Variants in PATJ observed in about 807,000 individuals in gnomAD.
PATJ encodes the protein inaD-like protein.
In PATJ, 190 loss-of-function variants were observed where a neutral mutation model predicts 224.9. That is an observed-to-expected ratio of 0.84 (90% CI 0.75 to 0.95). PATJ has a LOEUF of 0.95. Ranked by LOEUF, PATJ falls within the 40% of genes least tolerant of loss-of-function variation. The pLI, the probability that PATJ is intolerant of heterozygous loss-of-function variation, is 0.00. For missense variants in PATJ, 2,121 were observed against 2,270.3 expected (o/e 0.93, Z 1.34); for synonymous variants, 769 against 820.3 (o/e 0.94, Z 1.07).
At chr1:62,106,158 G>GTGTGTATATATATATATATA (rs1356937495) in intron 33 of PATJ, among the ~76,000 whole-genome samples, 8 of 48,064 alleles carry the variant, frequency 1.7e-4, no homozygotes, top group Non-Finnish European at 2.6e-4. Context: ...GTGTGTGTGT[G>GTGTGTATATATATATATATA]TATATATATA....
intron 34 of PATJ, among the ~76,000 whole-genome samples, chr1:62,113,619 A>G (rs993887326): frequency 6.6e-6 from 1 of 152,214 alleles, no homozygotes; most frequent in Non-Finnish European, 1.5e-5. Context: ...CCTGGGCAAC[A>G]GAGCAAGACC....
chr1:61,832,687 C>T (rs1659551920), intron 16 of PATJ, among the ~76,000 whole-genome samples: 1 of 151,994 alleles, frequency 6.6e-6, no homozygotes, highest in African/African-American at 2.4e-5. Context: ...CTGTGGTAGC[C>T]CTCACAGAGT....
chr1:61,788,618 G>C (rs1649100988), intron 8 of PATJ, among the ~76,000 whole-genome samples: 1 of 152,124 alleles, frequency 6.6e-6, no homozygotes. Flanking sequence ...TTTTAATGAA[G>C]ACATAATAAA....
At chr1:62,042,023 A>G (rs759153926) in intron 30 of PATJ, among the ~76,000 whole-genome samples, 1 of 151,990 alleles carries the variant, frequency 6.6e-6, no homozygotes, top group East Asian at 1.9e-4. Flanking sequence ...AATAATAATA[A>G]GAAAATAAAG....
intron 10 of PATJ, among the ~76,000 whole-genome samples, 153 bp downstream of exon 10, chr1:61,795,711 G>A (rs1392094134): frequency 6.6e-6 from 1 of 152,026 alleles, no homozygotes; most frequent in Non-Finnish European, 1.5e-5. Context: ...CATTATTTTG[G>A]ACTCTTCTTC....
intron 26 of PATJ, among the ~76,000 whole-genome samples, chr1:61,921,550 A>G (rs913551610): frequency 3.3e-5 from 5 of 152,124 alleles, no homozygotes; most frequent in African/African-American, 7.2e-5. Context: ...TTCTTTGTCA[A>G]TCTTTTAGAG....
chr1:62,111,402 C>A (rs966348020), intron 34 of PATJ, among the ~76,000 whole-genome samples: 1 of 152,186 alleles, frequency 6.6e-6, no homozygotes. Flanking sequence ...GGAAAAACAG[C>A]CTTCACTGAA....
At position 62,010,387 on chromosome 1, in the gene PATJ, A is replaced by G. The variant is rs539080611; in HGVS notation, c.3868-7469A>G. Among the ~76,000 whole-genome samples, 3 of 151,922 alleles carry G rather than the reference A, an allele frequency of 2.0e-5. No individual in the cohort carries two copies. In the South Asian group the frequency reaches 6.2e-4, roughly 32 times the overall value. The stretch of plus-strand genomic sequence containing the variant: ...TGTACAGCTCAGTGGTAATAAATAC[A>G]GGTATATTCTTTTTTTTCCTTCCTC... On this transcript the variant is annotated intron_variant, in intron 28 of 43. Transcript: ENST00000642238.
chr1:61,887,998 T>C (rs938597326), intron 22 of PATJ, among the ~76,000 whole-genome samples: 7 of 152,216 alleles, frequency 4.6e-5, no homozygotes, highest in East Asian at 1.9e-4. Flanking sequence ...GAGTTTTAGA[T>C]AGAAACTTCA....
At chr1:61,883,857 G>T (rs530903095) in intron 21 of PATJ, among the ~76,000 whole-genome samples, 4 of 45,940 alleles carry the variant, frequency 8.7e-5, no homozygotes, top group Non-Finnish European at 1.1e-4. Flanking sequence ...TTGTTATTCT[G>T]TGGAGGTTTT....
chr1:61,795,511 G>T lies in PATJ; in HGVS notation c.1213G>T (p.Ala405Ser). Residue 405 changes from alanine (A) to serine (S), a missense_variant, in exon 10 of 44, where the codon GCT (alanine) becomes TCT (serine). Transcript: ENST00000642238. ...IYVKSIIPGS[A>S]AYHNGHIQVN... ...TGTGAAAAGTATAATACCTGGCAGTGCTGCGTACCACAATGGCCACATTCA... is the reference window on the plus strand; with the variant it reads ...TGTGAAAAGTATAATACCTGGCAGTTCTGCGTACCACAATGGCCACATTCA... 1 of 1,610,954 alleles carries T rather than the reference G, an allele frequency of 6.2e-7. No homozygotes were observed. The highest frequency in any genetic ancestry group is 8.5e-7 in the Non-Finnish European group (1 of 1,177,780).
At chr1:61,835,623 C>G in intron 17 of PATJ, among the ~76,000 whole-genome samples, 1 of 152,040 alleles carries the variant, frequency 6.6e-6, no homozygotes, top group Non-Finnish European at 1.5e-5. Context: ...AGGCTAGTCT[C>G]GAACCCCTGA....
chr1:61,841,600 CT>C (rs11424328), intron 17 of PATJ, among the ~76,000 whole-genome samples: 17 of 142,208 alleles, frequency 1.2e-4, no homozygotes, highest in Admixed American at 1.4e-4. Context: ...TTTCTCTTGC[CT>C]TTTTTTTTTT....
intron 5 of PATJ, among the ~76,000 whole-genome samples, chr1:61,770,724 A>G (rs1038876443): frequency 6.6e-6 from 1 of 152,000 alleles, no homozygotes. Flanking sequence ...AGCCTGGGTA[A>G]CATAGCAAAA....
intron 22 of PATJ, 52 bp downstream of exon 22, chr1:61,884,460 T>G (rs762305683): frequency 6.9e-6 from 8 of 1,160,932 alleles, no homozygotes; most frequent in South Asian, 5.1e-5. Context: ...GGTTTTTTTT[T>G]TTTTTTTTTT....
rs750457860 is a variant in PATJ, at chr1:62,128,898, G to A, written c.5224G>A (p.Asp1742Asn). The A allele has an allele frequency of 1.2e-6, 2 of 1,613,668 alleles. No individual in the cohort carries two copies. The highest frequency in any genetic ancestry group is 2.2e-5 in the South Asian group (2 of 91,022). ...GQPLDGLSHA[D>N]VVNLLKNAYG... Reference sequence around the variant, plus strand: ...ACCTTTGGATGGGCTGTCTCACGCGGATGTGGTTAATCTGCTGAAGAACGC... The same window carrying A: ...ACCTTTGGATGGGCTGTCTCACGCGAATGTGGTTAATCTGCTGAAGAACGC... The change falls in exon 41 of 44, where the codon GAT becomes AAT. Residue 1742 changes from aspartate (D) to asparagine (N), a missense_variant. Asp to Asn is a conservative substitution (Grantham distance 23). Transcript: ENST00000642238.
chr1:61,968,310 T>C (rs933384580), intron 27 of PATJ, among the ~76,000 whole-genome samples: 1 of 152,190 alleles, frequency 6.6e-6, no homozygotes, highest in African/African-American at 2.4e-5. Context: ...TGGGGTCTCC[T>C]TCACTCTCAG....
Position 61,937,736 on chromosome 1 carries a change from C to T in PATJ, c.3670+9907C>T, listed in dbSNP as rs1441083023. Among the ~76,000 whole-genome samples, 6 of 151,538 alleles carry T rather than the reference C, an allele frequency of 4.0e-5. 1 individual carries two copies. The highest frequency in any genetic ancestry group is 6.6e-5 in the Admixed American group (1 of 15,232). On this transcript the variant is annotated intron_variant, in intron 27 of 43. Transcript: ENST00000642238. ...CACGATCTCAGCTCACCACAACCTC[C>T]GCCTCCTGAATTCAAGTGATTCTCC...
intron 31 of PATJ, among the ~76,000 whole-genome samples, chr1:62,078,590 A>G (rs967262996): frequency 6.6e-6 from 1 of 151,702 alleles, no homozygotes; most frequent in South Asian, 2.1e-4. Context: ...CTGGCCCCTT[A>G]GTTTTTTAAT....
Sources: allele counts gnomAD v4.1 joint callset (sites outside exome capture counted in the v4.1 genomes callset), GRCh38; gene constraint gnomAD v4.1.1; transcripts MANE v1.5; gene names NCBI Gene and HGNC (gene_info 2026-07-23, HGNC 2026-07-21).